Variants in CPEB4 observed in about 807,000 individuals in gnomAD.
CPEB4 encodes the protein cytoplasmic polyadenylation element binding protein 4.
CPEB4 carries 12 observed loss-of-function variants against 72.5 expected under a neutral mutation model. That is an observed-to-expected ratio of 0.17 (90% CI 0.11 to 0.27). The LOEUF (loss-of-function observed/expected upper bound fraction) is 0.27, where lower values mean the gene tolerates loss of function less well. Among genes scored for constraint, CPEB4 ranks in the 10% least tolerant of loss-of-function variants. The probability of loss-of-function intolerance (pLI) is 1.00; values close to 1 mark genes in which losing one functional copy is unlikely to be tolerated. For synonymous variants in CPEB4, 302 were observed against 326.3 expected (o/e 0.93, Z 0.80); for missense variants, 614 against 908.5 (o/e 0.68, Z 4.17).
chr5:173,920,729 A>G (rs1388037169), intron 2 of CPEB4, among the ~76,000 whole-genome samples: 1 of 152,164 alleles, frequency 6.6e-6, no homozygotes, highest in East Asian at 1.9e-4. Flanking sequence ...AACTGGAGGT[A>G]CAGTTTTATA....
In CPEB4 at chr5:173,945,127, A is replaced by C. The variant is rs1160517316; in HGVS notation, c.1443A>C (p.Pro481=). The C allele has an allele frequency of 2.5e-6, 4 of 1,613,828 alleles. No homozygotes were observed. The highest frequency in any genetic ancestry group is 3.4e-6 in the Non-Finnish European group (4 of 1,179,764). ...AGGTGTTTGTAGGCGGATTGCCTCC[A>C]GACATTGATGAAGGTATGTTTAGAA... ...SRKVFVGGLP[P]DIDEDEITAS... is the part of the protein sequence containing the mutation. Residue 481 remains proline (P), a synonymous_variant, in exon 5 of 10, where the codon CCA becomes CCC. Coordinates refer to ENST00000265085, the MANE Select transcript of CPEB4 (RefSeq NM_030627.4).
intron 1 of CPEB4, among the ~76,000 whole-genome samples, chr5:173,905,010 T>TAATAATAAC (rs1756378918): frequency 7.5e-6 from 1 of 133,280 alleles, no homozygotes; most frequent in Admixed American, 7.3e-5. Flanking sequence ...ATAATAATAA[T>TAATAATAAC]AATAATAAAA....
intron 2 of CPEB4, chr5:173,918,098 A>G (rs1756942245): frequency 6.6e-6 from 1 of 152,250 alleles, no homozygotes; most frequent in African/African-American, 2.4e-5. Flanking sequence ...AAACTGGGCT[A>G]CAATTAAATG....
chr5:173,941,605 A>G (rs1561628135), intron 3 of CPEB4, among the ~76,000 whole-genome samples: 1 of 152,102 alleles, frequency 6.6e-6, no homozygotes, highest in Non-Finnish European at 1.5e-5. Flanking sequence ...TCAAAAACCT[A>G]TCCCAGGCTG....
intron 2 of CPEB4, among the ~76,000 whole-genome samples, chr5:173,925,259 C>T (rs981294868): frequency 1.3e-5 from 2 of 152,092 alleles, no homozygotes; most frequent in African/African-American, 4.8e-5. Flanking sequence ...GAGCTGAAAG[C>T]CAAATTTGTA....
intron 2 of CPEB4, among the ~76,000 whole-genome samples, chr5:173,918,663 G>T: frequency 6.6e-6 from 1 of 152,164 alleles, no homozygotes; most frequent in East Asian, 1.9e-4. Flanking sequence ...ATCCTCATCT[G>T]CCCCGTTTAC....
At chr5:173,942,552 T>A (rs13174767) in intron 3 of CPEB4, among the ~76,000 whole-genome samples, 14,463 of 152,310 alleles carry the variant, frequency 0.095, 1,725 homozygotes, top group East Asian at 0.52. Context: ...TCATTTGTTA[T>A]GATTTTCTCT....
intron 1 of CPEB4, among the ~76,000 whole-genome samples, chr5:173,893,380 G>A (rs997927550): frequency 6.6e-6 from 1 of 152,054 alleles, no homozygotes; most frequent in Admixed American, 6.6e-5. Flanking sequence ...TACTTGGGAG[G>A]CTGAGGCAGA....
At chr5:173,952,689 A>G (rs1046073807) in intron 8 of CPEB4, among the ~76,000 whole-genome samples, 1 of 152,208 alleles carries the variant, frequency 6.6e-6, no homozygotes, top group African/African-American at 2.4e-5. Flanking sequence ...CTAGTGTTCA[A>G]GTAATTATTA....
rs1318972152 is a variant in CPEB4, at chr5:173,959,217, CAATGTAGTTACAGAGTAAT to C, written c.*3081_*3099del. 2 of 152,790 alleles carry C rather than the reference CAATGTAGTTACAGAGTAAT, an allele frequency of 1.3e-5. No homozygotes were observed. The highest frequency in any genetic ancestry group is 2.4e-5 in the African/African-American group (1 of 41,470). 9.5% of individuals were successfully genotyped at this position (152,790 alleles called of 1,614,324 possible). ...TAGCATGGCGCCAGCCATGTACTTA[CAATGTAGTTACAGAGTAAT>C]TACATGGTGATTTTTGCAATGTAAA... is the stretch of plus-strand genomic sequence containing the variant. On this transcript the variant is annotated 3_prime_UTR_variant, in exon 10 of 10. Transcript: ENST00000265085.
chr5:173,937,270 T>C (rs1757662847), intron 3 of CPEB4, among the ~76,000 whole-genome samples: 1 of 152,162 alleles, frequency 6.6e-6, no homozygotes, highest in African/African-American at 2.4e-5. Context: ...CTCGAACTCC[T>C]GATCTCAAGT....
intron 2 of CPEB4, among the ~76,000 whole-genome samples, chr5:173,920,535 G>A (rs1339920462): frequency 1.3e-5 from 2 of 152,160 alleles, no homozygotes; most frequent in Admixed American, 6.5e-5. Flanking sequence ...GCATATAACA[G>A]ACTTTTCCAA....
At chr5:173,914,514 G>T (rs1469903847) in intron 2 of CPEB4, among the ~76,000 whole-genome samples, 1 of 152,166 alleles carries the variant, frequency 6.6e-6, no homozygotes, top group African/African-American at 2.4e-5. Context: ...CTAGCACTTT[G>T]GGAGGGCCAG....
chr5:173,904,923 A>G (rs1371377238), intron 1 of CPEB4, among the ~76,000 whole-genome samples: 1 of 151,042 alleles, frequency 6.6e-6, no homozygotes, highest in African/African-American at 2.4e-5. Flanking sequence ...GTGAGCTGTG[A>G]TTGTGCCACT....
intron 2 of CPEB4, among the ~76,000 whole-genome samples, chr5:173,916,520 A>T (rs960147281): frequency 1.3e-5 from 2 of 152,210 alleles, no homozygotes; most frequent in Non-Finnish European, 2.9e-5. Flanking sequence ...AGAGCTATGG[A>T]TCTACTCCAA....
At chr5:173,899,820 A>G (rs1455538236) in intron 1 of CPEB4, among the ~76,000 whole-genome samples, 1 of 152,142 alleles carries the variant, frequency 6.6e-6, no homozygotes, top group Non-Finnish European at 1.5e-5. Flanking sequence ...GCTTGCTTTC[A>G]GTGCACAAAT....
chr5:173,943,075 G>T (rs1050261953), intron 4 of CPEB4, 26 bp downstream of exon 4: 7 of 1,607,820 alleles, frequency 4.4e-6, no homozygotes, highest in Non-Finnish European at 2.6e-6. Flanking sequence ...ACTTTTAAAT[G>T]TATCACTTGT....
chr5:173,956,099 G>T lies in CPEB4; in HGVS notation c.2152G>T (p.Gly718Cys). Residue 718 changes from glycine (G) to cysteine (C), a missense_variant, in exon 10 of 10, where the codon GGT becomes TGT. Physicochemically the swap from Gly to Cys is radical, Grantham distance 159 (BLOSUM62 -3). Transcript: ENST00000265085. ...CCACAAGCCCCTGGTGAAGGAAGGC[G>T]GTGACCGCCCTCGGCATATTTCATT... Reference protein sequence around the residue: ...EFHKPLVKEGGDRPRHISFRW... With the variant: ...EFHKPLVKEGCDRPRHISFRW... 6.2e-7 allele frequency: 1 copy of T among 1,614,112 alleles called. No homozygotes were observed. Among genetic ancestry groups the T allele is most frequent in the South Asian group, 1.1e-5 (1 of 91,088 alleles).
intron 2 of CPEB4, among the ~76,000 whole-genome samples, chr5:173,911,310 G>T (rs1444627009): frequency 6.7e-6 from 1 of 148,908 alleles, no homozygotes; most frequent in Non-Finnish European, 1.5e-5. Flanking sequence ...TTGCCCTGTC[G>T]CCAGGCTGGA....
Sources: allele counts gnomAD v4.1 joint callset (sites outside exome capture counted in the v4.1 genomes callset), GRCh38; gene constraint gnomAD v4.1.1; transcripts MANE v1.5; gene names NCBI Gene and HGNC (gene_info 2026-07-23, HGNC 2026-07-21).